The following ELOVL6 variants were observed in gnomAD, a reference collection of about 807,000 sequenced individuals.
The protein encoded by ELOVL6 is ELOVL fatty acid elongase 6.
ELOVL6 carries 8 observed loss-of-function variants against 31.7 expected under a neutral mutation model. That is an observed-to-expected ratio of 0.25 (90% CI 0.15 to 0.45). The LOEUF (loss-of-function observed/expected upper bound fraction) is 0.45. ELOVL6 is among the 20% of genes least tolerant of loss of function. ELOVL6 has a pLI of 1.00. For missense variants in ELOVL6, 126 were observed against 326.4 expected, an observed-to-expected ratio of 0.39 and a Z score of 4.73; for synonymous variants, 101 against 117.7, an observed-to-expected ratio of 0.86 and a Z score of 0.92.
At chr4:110,103,832 A>G (rs1486639141) in intron 2 of ELOVL6, among the ~76,000 whole-genome samples, 1 of 152,236 alleles carries the variant, frequency 6.6e-6, no homozygotes, top group Non-Finnish European at 1.5e-5. Flanking sequence ...TAAAACAGGA[A>G]TCATTTATGA....
intron 2 of ELOVL6, among the ~76,000 whole-genome samples, chr4:110,071,222 A>G (rs1387039069): frequency 2.0e-5 from 3 of 152,170 alleles, no homozygotes; most frequent in African/African-American, 7.2e-5. Context: ...CTAAAGATCC[A>G]TTCCATCTTT....
At chr4:110,182,018 T>C (rs1384228274) in intron 1 of ELOVL6, among the ~76,000 whole-genome samples, 1 of 152,212 alleles carries the variant, frequency 6.6e-6, no homozygotes, top group East Asian at 1.9e-4. Context: ...GCAGCATCTG[T>C]TTCCAGGTGC....
chr4:110,195,252 G>C (rs1014936498), intron 1 of ELOVL6, among the ~76,000 whole-genome samples: 1 of 152,012 alleles, frequency 6.6e-6, no homozygotes, highest in Non-Finnish European at 1.5e-5. Context: ...CGAGTAGCTG[G>C]GATTACAGGC....
Position 110,198,473 on chromosome 4 carries a change from G to A in ELOVL6, c.-138C>T. On this transcript the variant is annotated 5_prime_UTR_variant, in exon 1 of 4. Coordinates refer to ENST00000302274, the MANE Select transcript of ELOVL6 (RefSeq NM_024090.3). ...TTCCCCACGCCGCTCGGTCTCCAGC[G>A]GTCGTCTCTTCTCCCAGCCTCTCAG... The A allele has an allele frequency of 1.7e-6, 1 of 596,008 alleles. No homozygotes were observed. The highest frequency in any genetic ancestry group is 2.0e-5 in the South Asian group (1 of 51,230). The allele number at this position is 596,008 out of a possible 1,614,324, so 36.9% of individuals were successfully genotyped here. A position where few individuals can be genotyped will look rare whatever the true frequency, so the allele number is the denominator to read the frequency against.
intron 2 of ELOVL6, among the ~76,000 whole-genome samples, chr4:110,074,539 G>T (rs1019709264): frequency 2.0e-5 from 3 of 152,168 alleles, no homozygotes; most frequent in Admixed American, 6.5e-5. Context: ...CTTTAGAAAT[G>T]ATGTGGATAA....
At chr4:110,173,760 T>A (rs997355922) in intron 1 of ELOVL6, among the ~76,000 whole-genome samples, 3 of 151,168 alleles carry the variant, frequency 2.0e-5, no homozygotes, top group African/African-American at 7.3e-5. Context: ...AGAAATAAGA[T>A]AAAATAGCAT....
intron 1 of ELOVL6, among the ~76,000 whole-genome samples, chr4:110,176,125 C>T (rs1759096296): frequency 6.7e-6 from 1 of 150,250 alleles, no homozygotes; most frequent in South Asian, 2.1e-4. Context: ...CATTTAACAA[C>T]ACCATGAATA....
At position 110,066,464 on chromosome 4, in the gene ELOVL6, G is replaced by A. The variant is rs181113849; in HGVS notation, c.222-6710C>T. Reference sequence around the variant, plus strand: ...ATCCTGGCTAACACGGTGAAACCCCGTCTCTACTAAAAATACAAAAAAAAA... The same window carrying A: ...ATCCTGGCTAACACGGTGAAACCCCATCTCTACTAAAAATACAAAAAAAAA... On this transcript the variant is annotated intron_variant, in intron 2 of 3. Coordinates refer to ENST00000302274, the MANE Select transcript of ELOVL6 (RefSeq NM_024090.3). Among the ~76,000 whole-genome samples, 1,363 of 151,452 alleles carry A rather than the reference G, an allele frequency of 9.0e-3. 15 individuals carry two copies. Among genetic ancestry groups the A allele is most frequent in the Non-Finnish European group, 0.013 (849 of 67,832 alleles).
chr4:110,059,831 T>G, intron 2 of ELOVL6, 77 bp from the exon 3 acceptor site: 1 of 1,386,872 alleles, frequency 7.2e-7, no homozygotes, highest in South Asian at 1.4e-5. Flanking sequence ...CTTAGAAGAC[T>G]GGTTGGCCAC....
chr4:110,098,720 CTTT>C (rs1756661563), intron 2 of ELOVL6, among the ~76,000 whole-genome samples: 1 of 152,032 alleles, frequency 6.6e-6, no homozygotes, highest in Non-Finnish European at 1.5e-5. Context: ...TCCCAGCTTG[CTTT>C]TTTATTACTC....
At chr4:110,170,002 A>ACCATGTTTTACCATGTTTTACCATGTTGG (rs546426139) in intron 1 of ELOVL6, among the ~76,000 whole-genome samples, 1 of 151,658 alleles carries the variant, frequency 6.6e-6, no homozygotes, top group African/African-American at 2.4e-5. Flanking sequence ...ATGGGGGTTT[A>ACCATGTTTTACCATGTTTTACCATGTTGG]CCATGTTTTA....
In ELOVL6 at chr4:110,084,001, T is replaced by TGCTATATGCGATATATAACATAC. The variant is rs1560813432; in HGVS notation, c.221+21495_221+21496insGTATGTTATATATCGCATATAGC. Among the ~76,000 whole-genome samples, 252 of 58,648 alleles carry TGCTATATGCGATATATAACATAC rather than the reference T, an allele frequency of 4.3e-3. 29 individuals are homozygous for TGCTATATGCGATATATAACATAC. Among genetic ancestry groups the TGCTATATGCGATATATAACATAC allele is most frequent in the African/African-American group, 0.013 (146 of 10,864 alleles). The allele number at this position is 58,648 out of a possible 152,430, so 38.5% of individuals were successfully genotyped here. On this transcript the variant is annotated intron_variant, in intron 2 of 3. Coordinates refer to ENST00000302274, the MANE Select transcript of ELOVL6 (RefSeq NM_024090.3). ...TATGCCATATACGATATATAACATATGCCATATATGGTATATAACATATGC... is the reference window on the plus strand; with the variant it reads ...TATGCCATATACGATATATAACATATGCTATATGCGATATATAACATACGCCATATATGGTATATAACATATGC...
intron 1 of ELOVL6, among the ~76,000 whole-genome samples, chr4:110,106,896 T>C (rs1378914214): frequency 1.3e-5 from 2 of 152,194 alleles, no homozygotes; most frequent in Non-Finnish European, 1.5e-5. Context: ...ACTTCTATAA[T>C]AGAACTATGA....
At chr4:110,113,895 C>T (rs531197352) in intron 1 of ELOVL6, among the ~76,000 whole-genome samples, 24 of 152,194 alleles carry the variant, frequency 1.6e-4, no homozygotes, top group African/African-American at 5.3e-4. Flanking sequence ...CTTCATTCTA[C>T]GAGAAAGGTA....
At chr4:110,157,410 C>T (rs1466763001) in intron 1 of ELOVL6, among the ~76,000 whole-genome samples, 3 of 152,110 alleles carry the variant, frequency 2.0e-5, no homozygotes, top group Admixed American at 2.0e-4. Flanking sequence ...GTGACTCATG[C>T]CTGTAATCCC....
chr4:110,183,327 G>A (rs1759345121), intron 1 of ELOVL6, among the ~76,000 whole-genome samples: 1 of 152,122 alleles, frequency 6.6e-6, no homozygotes, highest in Non-Finnish European at 1.5e-5. Context: ...GAACCCAGCT[G>A]TAAGCAACAT....
At chr4:110,197,081 GGCACGCGCGCTCGC>G (rs1367641697) in intron 1 of ELOVL6, among the ~76,000 whole-genome samples, 1 of 152,214 alleles carries the variant, frequency 6.6e-6, no homozygotes, top group Non-Finnish European at 1.5e-5. Context: ...GAGGGCGCGG[GGCACGCGCGCTCGC>G]GCACGCGGCG....
At chr4:110,194,016 C>T (rs1006132752) in intron 1 of ELOVL6, among the ~76,000 whole-genome samples, 2 of 152,218 alleles carry the variant, frequency 1.3e-5, no homozygotes, top group African/African-American at 4.8e-5. Context: ...TAGACAATTA[C>T]AACTGGAGCA....
intron 2 of ELOVL6, among the ~76,000 whole-genome samples, chr4:110,066,005 A>G (rs1186996587): frequency 6.6e-6 from 1 of 152,182 alleles, no homozygotes; most frequent in African/African-American, 2.4e-5. Context: ...CTACTAACTC[A>G]ATAACCAAAG....
Sources: allele counts gnomAD v4.1 joint callset (sites outside exome capture counted in the v4.1 genomes callset), GRCh38; gene constraint gnomAD v4.1.1; transcripts MANE v1.5; gene names NCBI Gene and HGNC (gene_info 2026-07-23, HGNC 2026-07-21).